NARF: variants seen among roughly 807,000 people sequenced by gnomAD.
The protein encoded by NARF is nuclear prelamin A recognition factor, also known as iron-only hydrogenase-like protein 2.
NARF carries 41 observed loss-of-function variants against 48.0 expected under a neutral mutation model. The ratio of observed to expected loss-of-function variants is 0.85; its 90% CI spans 0.66 to 1.11. The LOEUF is 1.11. Among genes scored for constraint, NARF ranks in the 50% least tolerant of loss-of-function variants. The pLI, the probability that NARF is intolerant of heterozygous loss-of-function variation, is 0.00. For synonymous variants in NARF, 215 were observed against 225.5 expected (o/e 0.95, Z 0.42); for missense variants, 613 against 590.2 (o/e 1.04, Z -0.40).
chr17:82,469,095 T>C (rs1448267776), intron 4 of NARF, among the ~76,000 whole-genome samples, 199 bp downstream of exon 4: 1 of 152,184 alleles, frequency 6.6e-6, no homozygotes, highest in Admixed American at 6.6e-5. Context: ...CTTTTCTCCT[T>C]TGCTGTGCAC....
chr17:82,481,049 C>T, intron 6 of NARF, 33 bp from the exon 7 acceptor site: 1 of 1,613,532 alleles, frequency 6.2e-7, no homozygotes, highest in Non-Finnish European at 8.5e-7. Context: ...CACCTCTTCA[C>T]CAGCCCTAAA....
rs186734283 is a variant in NARF at position 82,459,891 on chromosome 17, G to A, written c.28-101G>A. 6.7e-6 allele frequency: 6 copies of A among 890,988 alleles called. No individual in the cohort carries two copies. In the East Asian group the frequency reaches 1.6e-4, roughly 24 times the overall value. 55.2% of individuals were successfully genotyped at this position (890,988 alleles called of 1,614,324 possible). A position where few individuals can be genotyped will look rare whatever the true frequency, so the allele number is the denominator to read the frequency against. On this transcript the variant is annotated intron_variant, in intron 1 of 10. Coordinates refer to ENST00000309794, the MANE Select transcript of NARF (RefSeq NM_012336.4). ...AAAAAAATAAATAAATAAACTAAAA[G>A]AAAGGATAGAAATACATGAGCTTCA...
In NARF at chr17:82,460,062, A is replaced by G. The variant is rs1216570868; in HGVS notation, c.98A>G (p.Glu33Gly). The change falls in exon 2 of 11, where the codon GAA (glutamate) becomes GGA (glycine). Residue 33 changes from glutamate (E) to glycine (G), a missense_variant. Coordinates refer to ENST00000309794, the MANE Select transcript of NARF (RefSeq NM_012336.4). ...GCCGATGCACCGAGTCCAGCCCAGG[A>G]AAATGGAGAGGCAAGTAGATTTTTC... ...VSADAPSPAQ[E>G]NGEKGEFHKL... The G allele has an allele frequency of 7.4e-6, 12 of 1,613,320 alleles. No individual in the cohort carries two copies. The highest frequency in any genetic ancestry group is 2.7e-5 in the African/African-American group (2 of 74,904).
At chr17:82,471,433 C>G (rs1327920781) in intron 4 of NARF, among the ~76,000 whole-genome samples, 1 of 135,512 alleles carries the variant, frequency 7.4e-6, no homozygotes, top group Non-Finnish European at 1.6e-5. Flanking sequence ...CCAGCCTGGG[C>G]AACAGGGCGA....
chr17:82,469,652 C>T (rs2043651783), intron 4 of NARF, among the ~76,000 whole-genome samples: 2 of 152,112 alleles, frequency 1.3e-5, no homozygotes, highest in Admixed American at 6.5e-5. Flanking sequence ...GTGCCCCAGG[C>T]TGGAGTGCAA....
chr17:82,472,523 T>C (rs1216227984), intron 4 of NARF, 41 bp from the exon 5 acceptor site: 2 of 1,546,880 alleles, frequency 1.3e-6, no homozygotes, highest in African/African-American at 1.4e-5. Context: ...GTAGATCTTT[T>C]AGTACGTGAT....
intron 7 of NARF, chr17:82,481,865 C>T: frequency 2.9e-6 from 1 of 348,474 alleles, no homozygotes; most frequent in Non-Finnish European, 5.6e-6. Flanking sequence ...AGCGGGTCTC[C>T]TAATCACAAA....
At chr17:82,484,026 C>T in intron 8 of NARF, 1 of 490,126 alleles carries the variant, frequency 2.0e-6, no homozygotes, top group Non-Finnish European at 3.7e-6. Flanking sequence ...ACCCTAAACC[C>T]TTGAGGAAGG....
upstream of NARF, chr17:82,458,732 G>T: frequency 6.9e-7 from 1 of 1,453,884 alleles, no homozygotes; most frequent in East Asian, 2.8e-5. Flanking sequence ...GCGGGCGGCG[G>T]GCAGTGGTGT....
At position 82,472,722 on chromosome 17, in the gene NARF, G is replaced by A. The variant is rs372118850; in HGVS notation, c.520+24G>A. 9 of 1,600,196 alleles carry A rather than the reference G, an allele frequency of 5.6e-6. No homozygotes were observed. In the African/African-American group the frequency reaches 1.2e-4, roughly 22 times the overall value. On this transcript the variant is annotated intron_variant, in intron 5 of 10. Transcript: ENST00000309794. ...TGGTGAGCCCCTGGACCCCCGCTCTGTTGGCCTGAGGTGCCAAAAGAGGTT... is the reference window on the plus strand; with the variant it reads ...TGGTGAGCCCCTGGACCCCCGCTCTATTGGCCTGAGGTGCCAAAAGAGGTT...
chr17:82,462,277 A>G (rs1260392474), intron 2 of NARF, among the ~76,000 whole-genome samples: 1 of 151,424 alleles, frequency 6.6e-6, no homozygotes, highest in Non-Finnish European at 1.5e-5. Flanking sequence ...GCACTGGCAC[A>G]CCAGGCAAGA....
At chr17:82,480,342 C>G (rs2043933516) in intron 6 of NARF, 2 of 401,336 alleles carry the variant, frequency 5.0e-6, no homozygotes, top group Non-Finnish European at 8.8e-6. Context: ...TGGCTCCATG[C>G]TGGACCAGCA....
chr17:82,460,092 T>G lies in NARF; in HGVS notation c.108+20T>G. 1 of 1,606,066 alleles carries G rather than the reference T, an allele frequency of 6.2e-7. No individual in the cohort carries two copies. Among genetic ancestry groups the G allele is most frequent in the South Asian group, 1.1e-5 (1 of 90,832 alleles). ...GGAGAGGCAAGTAGATTTTTCAGTTTTGTATCAGCCCAGAGTAAACTACTG... is the reference window on the plus strand; with the variant it reads ...GGAGAGGCAAGTAGATTTTTCAGTTGTGTATCAGCCCAGAGTAAACTACTG... On this transcript the variant is annotated intron_variant, in intron 2 of 10. Transcript: ENST00000309794.
At chr17:82,484,595 A>G (rs1167369921) in intron 8 of NARF, 3 of 470,878 alleles carry the variant, frequency 6.4e-6, no homozygotes, top group Non-Finnish European at 1.1e-5. Context: ...GCTCGGCGTG[A>G]CTGAGAGTCC....
chr17:82,472,690 C>T lies in NARF; in HGVS notation c.512C>T (p.Ala171Val), dbSNP rs779455143. ...CGCACCCTGCCCATGCTGACCTCTGCCTGTCCTGGTGAGCCCCTGGACCCC... is the reference window on the plus strand; with the variant it reads ...CGCACCCTGCCCATGCTGACCTCTGTCTGTCCTGGTGAGCCCCTGGACCCC... ...EERTLPMLTS[A>V]CPGWVRYAER... The change falls in exon 5 of 11, where the codon GCC becomes GTC. Residue 171 changes from alanine to valine, a missense_variant. Transcript: ENST00000309794. 1.9e-5 allele frequency: 31 copies of T among 1,612,910 alleles called. No homozygotes were observed. The highest frequency in any genetic ancestry group is 5.0e-5 in the Admixed American group (3 of 59,808).
At chr17:82,483,964 C>A in intron 8 of NARF, 185 bp downstream of exon 8, 2 of 554,366 alleles carry the variant, frequency 3.6e-6, no homozygotes, top group Non-Finnish European at 6.4e-6. Flanking sequence ...ATACCATTCA[C>A]CAGGGCTGCC....
At chr17:82,467,786 G>T (rs914245873) in intron 3 of NARF, among the ~76,000 whole-genome samples, 3 of 152,174 alleles carry the variant, frequency 2.0e-5, no homozygotes, top group African/African-American at 7.2e-5. Context: ...TTACAGGTAT[G>T]AGCCACCATG....
At chr17:82,475,090 C>G (rs2143899373) in intron 5 of NARF, among the ~76,000 whole-genome samples, 1 of 152,260 alleles carries the variant, frequency 6.6e-6, no homozygotes, top group African/African-American at 2.4e-5. Flanking sequence ...CTCCAGCAAC[C>G]TGGGAGTACC....
At chr17:82,479,085 C>T (rs1213100238) in intron 6 of NARF, 167 bp downstream of exon 6, 3 of 569,926 alleles carry the variant, frequency 5.3e-6, no homozygotes, top group Admixed American at 3.3e-5. Context: ...TTCTCACCAA[C>T]GCCCGTCTCT....
Sources: gnomAD v4.1 joint callset for allele counts (sites outside exome capture counted in the v4.1 genomes callset) on GRCh38, gnomAD v4.1.1 for gene constraint, MANE v1.5 for transcripts, NCBI Gene and HGNC (gene_info 2026-07-23, HGNC 2026-07-21) for gene names.